The following GALNTL6 variants were observed in gnomAD, a reference collection of about 807,000 sequenced individuals.
The protein encoded by GALNTL6 is polypeptide N-acetylgalactosaminyltransferase like 6.
GALNTL6 carries 46 observed loss-of-function variants against 73.7 expected under a neutral mutation model. The ratio of observed to expected loss-of-function variants is 0.62; its 90% CI spans 0.49 to 0.80. The LOEUF (loss-of-function observed/expected upper bound fraction) is 0.80. GALNTL6 is among the 30% of genes least tolerant of loss of function. GALNTL6 has a pLI of 0.00. For synonymous variants in GALNTL6, 259 were observed against 263.7 expected, an observed-to-expected ratio of 0.98 and a Z score of 0.17; for missense variants, 604 against 755.0, an observed-to-expected ratio of 0.80 and a Z score of 2.34.
At chr4:171,984,564 C>T (rs774788102) in intron 2 of GALNTL6, among the ~76,000 whole-genome samples, 1 of 152,134 alleles carries the variant, frequency 6.6e-6, no homozygotes, top group Non-Finnish European at 1.5e-5. Context: ...AGGCAACCTC[C>T]TGGTGTGTGA....
rs144201815 is a variant in GALNTL6 at position 172,229,291 on chromosome 4, A to T, written c.139-365A>T. On this transcript the variant is annotated intron_variant, in intron 2 of 12. Coordinates refer to ENST00000506823, the MANE Select transcript of GALNTL6 (RefSeq NM_001034845.3). ...AAAATAAATAAAACTGTACCAATCA[A>T]AACAAAATTAATTAAATGCAACACC... Among the ~76,000 whole-genome samples, 655 of 152,304 alleles carry T rather than the reference A, an allele frequency of 4.3e-3. 7 individuals are homozygous for T. The highest frequency in any genetic ancestry group is 0.015 in the African/African-American group (628 of 41,556).
intron 8 of GALNTL6, among the ~76,000 whole-genome samples, chr4:172,915,760 C>T (rs1303152842): frequency 6.6e-6 from 1 of 152,046 alleles, no homozygotes; most frequent in Non-Finnish European, 1.5e-5. Context: ...TAATTAATAG[C>T]CTATCAACAA....
intron 3 of GALNTL6, among the ~76,000 whole-genome samples, chr4:172,271,410 T>TAC (rs1738645313): frequency 6.6e-6 from 1 of 152,166 alleles, no homozygotes; most frequent in South Asian, 2.1e-4. Flanking sequence ...TATGGATATG[T>TAC]ACACACATAT....
At chr4:172,641,067 T>G (rs781248987) in intron 5 of GALNTL6, among the ~76,000 whole-genome samples, 17 of 152,032 alleles carry the variant, frequency 1.1e-4, no homozygotes, top group Non-Finnish European at 2.5e-4. Flanking sequence ...TCACATACAA[T>G]CCACTAGAAA....
intron 5 of GALNTL6, among the ~76,000 whole-genome samples, chr4:172,360,944 A>G (rs1159162182): frequency 6.6e-6 from 1 of 152,188 alleles, no homozygotes; most frequent in African/African-American, 2.4e-5. Flanking sequence ...AGAAGTTTGC[A>G]TTCAGCTTCT....
At chr4:172,615,920 C>T (rs1202396864) in intron 5 of GALNTL6, among the ~76,000 whole-genome samples, 1 of 152,170 alleles carries the variant, frequency 6.6e-6, no homozygotes, top group African/African-American at 2.4e-5. Flanking sequence ...CCAGCTAACA[C>T]CTGACTCTCT....
intron 5 of GALNTL6, among the ~76,000 whole-genome samples, chr4:172,586,155 T>C (rs1737401020): frequency 6.6e-6 from 1 of 152,208 alleles, no homozygotes; most frequent in Non-Finnish European, 1.5e-5. Context: ...AATTTCCAAC[T>C]AGACTTTAAA....
intron 5 of GALNTL6, among the ~76,000 whole-genome samples, chr4:172,766,736 T>G (rs7699455): frequency 0.045 from 6,838 of 152,302 alleles, 274 homozygotes; most frequent in African/African-American, 0.1. Flanking sequence ...TAACAATTTT[T>G]CTGTCAAGGA....
intron 5 of GALNTL6, among the ~76,000 whole-genome samples, chr4:172,420,497 GA>G (rs1264867968): frequency 6.6e-6 from 1 of 152,108 alleles, no homozygotes; most frequent in Non-Finnish European, 1.5e-5. Context: ...ACTACATATG[GA>G]GAGTAATAGG....
chr4:172,578,492 A>T (rs1415452588), intron 5 of GALNTL6, among the ~76,000 whole-genome samples: 2 of 152,234 alleles, frequency 1.3e-5, no homozygotes, highest in Non-Finnish European at 2.9e-5. Flanking sequence ...ACTGAAAAAA[A>T]TATGTTTCCA....
chr4:172,449,391 C>T (rs1392483967), intron 5 of GALNTL6, among the ~76,000 whole-genome samples: 1 of 152,178 alleles, frequency 6.6e-6, no homozygotes, highest in Admixed American at 6.5e-5. Context: ...GTTGTTATTA[C>T]ACTTTCTACC....
At chr4:172,078,690 C>T (rs1300801930) in intron 2 of GALNTL6, among the ~76,000 whole-genome samples, 2 of 152,090 alleles carry the variant, frequency 1.3e-5, no homozygotes, top group Non-Finnish European at 2.9e-5. Flanking sequence ...ATGGCGCTGT[C>T]TTGGAATAGT....
intron 10 of GALNTL6, among the ~76,000 whole-genome samples, chr4:172,969,667 G>C (rs1179253908): frequency 6.6e-6 from 1 of 152,158 alleles, no homozygotes; most frequent in African/African-American, 2.4e-5. Context: ...GAAAATACAA[G>C]CCAAAGATTT....
intron 5 of GALNTL6, among the ~76,000 whole-genome samples, chr4:172,486,956 T>C (rs1023434346): frequency 6.6e-6 from 1 of 152,212 alleles, no homozygotes; most frequent in Non-Finnish European, 1.5e-5. Flanking sequence ...ATTCTTCAGA[T>C]TGGCAAATGT....
chr4:172,656,610 G>A (rs1317033130), intron 5 of GALNTL6, among the ~76,000 whole-genome samples: 1 of 152,112 alleles, frequency 6.6e-6, no homozygotes, highest in Non-Finnish European at 1.5e-5. Context: ...TTTCTCAAAG[G>A]AACACACATA....
intron 2 of GALNTL6, among the ~76,000 whole-genome samples, chr4:171,995,327 A>G (rs1009977202): frequency 1.3e-5 from 2 of 152,004 alleles, no homozygotes; most frequent in Non-Finnish European, 2.9e-5. Context: ...ATTTGTTTCC[A>G]TCCATCTCCT....
At chr4:172,053,378 C>G (rs1730933548) in intron 2 of GALNTL6, among the ~76,000 whole-genome samples, 1 of 152,040 alleles carries the variant, frequency 6.6e-6, no homozygotes, top group Non-Finnish European at 1.5e-5. Flanking sequence ...ACACAGACAT[C>G]CAAAACCTAT....
intron 10 of GALNTL6, among the ~76,000 whole-genome samples, chr4:172,963,657 G>A (rs1227555859): frequency 6.6e-6 from 1 of 152,140 alleles, no homozygotes; most frequent in African/African-American, 2.4e-5. Context: ...TGTGTGTGAA[G>A]CCACCCCAGG....
chr4:172,434,516 G>A (rs997947226), intron 5 of GALNTL6, among the ~76,000 whole-genome samples: 5 of 152,106 alleles, frequency 3.3e-5, no homozygotes, highest in African/African-American at 1.2e-4. Flanking sequence ...AAACTAAGCA[G>A]TAGATACAAG....
Sources: allele counts gnomAD v4.1 joint callset (sites outside exome capture counted in the v4.1 genomes callset), GRCh38; gene constraint gnomAD v4.1.1; transcripts MANE v1.5; gene names NCBI Gene and HGNC (gene_info 2026-07-23, HGNC 2026-07-21).